ABR: variants seen among roughly 807,000 people sequenced by gnomAD.
The protein encoded by ABR is active breakpoint cluster region-related protein.
ABR carries 35 observed loss-of-function variants against 107.2 expected under a neutral mutation model. The observed-to-expected ratio is 0.33, with a 90% CI of 0.25 to 0.43. The LOEUF is 0.43. Ranked by LOEUF, ABR falls within the 20% of genes least tolerant of loss-of-function variation. ABR has a pLI of 1.00. For missense variants in ABR, 815 were observed against 1,115.2 expected (o/e 0.73, Z 3.83); for synonymous variants, 498 against 462.0 (o/e 1.08, Z -1.00).
intron 2 of ABR, among the ~76,000 whole-genome samples, chr17:1,124,922 G>C (rs963269328): frequency 7.2e-5 from 11 of 152,192 alleles, no homozygotes; most frequent in African/African-American, 2.7e-4. Flanking sequence ...AGGCACGGAG[G>C]GGTCTGGGAG....
intron 6 of ABR, among the ~76,000 whole-genome samples, chr17:1,077,356 G>T (rs1244565225): frequency 6.6e-6 from 1 of 152,168 alleles, no homozygotes; most frequent in East Asian, 1.9e-4. Flanking sequence ...TCCCAGGTCC[G>T]TTTCACTGAG....
intron 3 of ABR, among the ~76,000 whole-genome samples, chr17:1,093,481 C>T (rs948556019): frequency 3.3e-5 from 5 of 151,966 alleles, no homozygotes; most frequent in African/African-American, 9.7e-5. Flanking sequence ...AAAACAAAAA[C>T]GAGGCTTAGA....
At chr17:1,207,838 C>A (rs12600973) in intron 1 of ABR, among the ~76,000 whole-genome samples, 6 of 151,494 alleles carry the variant, frequency 4.0e-5, no homozygotes, top group African/African-American at 1.5e-4. Flanking sequence ...GGTGCGATCT[C>A]GGCTCACTGC....
At chr17:1,156,053 G>A (rs116405273) in intron 1 of ABR, 4 of 151,846 alleles carry the variant, frequency 2.6e-5, no homozygotes, top group African/African-American at 9.7e-5. Context: ...GTGGAGCACA[G>A]TGTCCTGGTA....
intron 16 of ABR, among the ~76,000 whole-genome samples, chr17:1,043,884 C>T (rs948468100): frequency 2.6e-5 from 4 of 152,064 alleles, no homozygotes; most frequent in Non-Finnish European, 5.9e-5. Flanking sequence ...CTGCGGTGAG[C>T]GAGGGAATGA....
In ABR at chr17:1,107,222, C is replaced by T. The variant is rs115271394; in HGVS notation, c.247-6487G>A. Reference sequence around the variant, plus strand: ...AGGAGCAGCGTTTTCAGGTGTGACACGTGCTCAGGCTCTCTTGGCATCCGT... The same window carrying T: ...AGGAGCAGCGTTTTCAGGTGTGACATGTGCTCAGGCTCTCTTGGCATCCGT... On this transcript the variant is annotated intron_variant, in intron 2 of 22. Coordinates refer to ENST00000302538, the MANE Select transcript of ABR (RefSeq NM_021962.5). 3.8e-3 allele frequency among the ~76,000 whole-genome samples: 584 copies of T among 152,342 alleles called. 4 individuals are homozygous for T. Among genetic ancestry groups the T allele is most frequent in the African/African-American group, 0.013 (555 of 41,584 alleles).
Position 1,012,572 on chromosome 17 carries a change from C to T in ABR, c.1961+116G>A, listed in dbSNP as rs549943871. ...ACACCGGCCATCTGCCACCGCCGAG[C>T]GGGGGGTAACTGATTAGGTGCCAGG... is the stretch of plus-strand genomic sequence containing the variant. On this transcript the variant is annotated intron_variant, in intron 18 of 22. Coordinates refer to ENST00000302538, the MANE Select transcript of ABR (RefSeq NM_021962.5). 1.1e-4 allele frequency: 82 copies of T among 773,038 alleles called. No homozygotes were observed. In the East Asian group the frequency reaches 1.4e-3, roughly 14 times the overall value. 47.9% of individuals were successfully genotyped at this position (773,038 alleles called of 1,614,324 possible). A position where few individuals can be genotyped will look rare whatever the true frequency, so the allele number is the denominator to read the frequency against.
In ABR at chr17:1,051,998, T is replaced by G. The variant is rs568092914; in HGVS notation, c.1562-1364A>C. Among the ~76,000 whole-genome samples, 33 of 151,214 alleles carry G rather than the reference T, an allele frequency of 2.2e-4. 1 individual carries two copies. Among genetic ancestry groups the G allele is most frequent in the South Asian group, 1.5e-3 (7 of 4,786 alleles). On this transcript the variant is annotated intron_variant, in intron 14 of 22. Coordinates refer to ENST00000302538, the MANE Select transcript of ABR (RefSeq NM_021962.5). The surrounding 1 kb of genome is among the most constrained non-coding windows in gnomAD (Gnocchi z 4.3). Reference sequence around the variant, plus strand: ...CTGAGGCAGGACAATCGCTTGAACCTGGGGTGTGGAAGTTGCAGTGAGCTG... The same window carrying G: ...CTGAGGCAGGACAATCGCTTGAACCGGGGGTGTGGAAGTTGCAGTGAGCTG...
At chr17:1,096,824 G>T (rs1305347794) in intron 3 of ABR, among the ~76,000 whole-genome samples, 4 of 148,210 alleles carry the variant, frequency 2.7e-5, no homozygotes, top group Non-Finnish European at 4.5e-5. Context: ...GAGAGAGCTG[G>T]GGAAGGGGGG....
intron 4 of ABR, among the ~76,000 whole-genome samples, chr17:1,086,041 G>A (rs1431326064): frequency 1.3e-5 from 2 of 152,266 alleles, no homozygotes; most frequent in Admixed American, 6.5e-5. Flanking sequence ...AGCTACTTGG[G>A]AGGACAAGGC....
intron 16 of ABR, among the ~76,000 whole-genome samples, chr17:1,025,516 C>G (rs2072123152): frequency 1.3e-5 from 2 of 152,182 alleles, no homozygotes; most frequent in African/African-American, 4.8e-5. Flanking sequence ...CCGCAGGGCC[C>G]CACGTCGCCT....
chr17:1,006,309 T>G lies in ABR; in HGVS notation c.2491-140A>C. 3.8e-6 allele frequency: 3 copies of G among 779,230 alleles called. No individual in the cohort carries two copies. The South Asian group carries it at 5.1e-5, about 13-fold the overall frequency. The allele number at this position is 779,230 out of a possible 1,614,324, so 48.3% of individuals were successfully genotyped here. A position where few individuals can be genotyped will look rare whatever the true frequency, so the allele number is the denominator to read the frequency against. On this transcript the variant is annotated intron_variant, in intron 22 of 22. Transcript: ENST00000302538. ...CCTGGGGAGCCCAGGTGTGTTTGCC[T>G]TTCTGCAGCCGTGGAAGGTGCTACG...
In ABR at chr17:1,010,052, CTGGG is replaced by C. The variant is rs971968100; in HGVS notation, c.2237-272_2237-269del. 2.9e-5 allele frequency: 16 copies of C among 558,066 alleles called. No homozygotes were observed. The highest frequency in any genetic ancestry group is 4.5e-5 in the Non-Finnish European group (14 of 310,744). The allele number at this position is 558,066 out of a possible 1,614,324, so 34.6% of individuals were successfully genotyped here. A position where few individuals can be genotyped will look rare whatever the true frequency, so the allele number is the denominator to read the frequency against. On this transcript the variant is annotated intron_variant, in intron 20 of 22. Transcript: ENST00000302538. The surrounding 1 kb of genome is among the most constrained non-coding windows in gnomAD (Gnocchi z 4.1). ...CAGCTGACTGCATAGGCCTTGGGTG[CTGGG>C]GCATCCCCTGTCTCGTAACAGGACA...
chr17:1,054,937 A>G (rs1019778618), intron 14 of ABR, among the ~76,000 whole-genome samples: 1 of 152,064 alleles, frequency 6.6e-6, no homozygotes, highest in African/African-American at 2.4e-5. Context: ...GTGGAGAGGG[A>G]GAGAGTCAGG....
intron 2 of ABR, among the ~76,000 whole-genome samples, chr17:1,122,694 T>C (rs1394883130): frequency 6.6e-6 from 1 of 152,194 alleles, no homozygotes; most frequent in Admixed American, 6.5e-5. Context: ...CTGCAGAGAT[T>C]AGGACCTCTA....
rs1049480386 is a variant in ABR at position 1,078,510 on chromosome 17, C to T, written c.700+820G>A. Among the ~76,000 whole-genome samples, 138 of 152,242 alleles carry T rather than the reference C, an allele frequency of 9.1e-4. No homozygotes were observed. Among genetic ancestry groups the T allele is most frequent in the African/African-American group, 3.2e-3 (131 of 41,540 alleles). ...GTCTGCGGGCACAGCTCGTCGCCGT[C>T]TCTCCCTAACAGCCCCTCCAGGAAG... On this transcript the variant is annotated intron_variant, in intron 6 of 22. Coordinates refer to ENST00000302538, the MANE Select transcript of ABR (RefSeq NM_021962.5). This position sits in a 1 kb window ranked among gnomAD's most constrained non-coding sequence, Gnocchi z 7.5.
chr17:1,167,630 T>C (rs1285744041), intron 1 of ABR, among the ~76,000 whole-genome samples: 1 of 152,186 alleles, frequency 6.6e-6, no homozygotes, highest in Non-Finnish European at 1.5e-5. Flanking sequence ...AGATGTGTTG[T>C]GTGACCTCTG....
chr17:1,031,377 G>A (rs922684828), intron 16 of ABR, among the ~76,000 whole-genome samples: 2 of 152,220 alleles, frequency 1.3e-5, no homozygotes, highest in African/African-American at 4.8e-5. Context: ...CCCGAGGCAG[G>A]GGCAGATGCC....
chr17:1,056,717 T>G (rs1468163879), intron 13 of ABR, among the ~76,000 whole-genome samples: 1 of 152,116 alleles, frequency 6.6e-6, no homozygotes. Context: ...ATCTACCGGG[T>G]CTGCTCTCTC....
Sources: gnomAD v4.1 joint callset for allele counts (sites outside exome capture counted in the v4.1 genomes callset) on GRCh38, gnomAD v4.1.1 for gene constraint, Gnocchi (gnomAD v3.1) non-coding constraint, MANE v1.5 for transcripts, NCBI Gene and HGNC (gene_info 2026-07-23, HGNC 2026-07-21) for gene names.